The following ANAPC10 variants were observed in gnomAD, a reference collection of about 807,000 sequenced individuals.
ANAPC10 encodes the protein anaphase promoting complex subunit 10, also known as anaphase-promoting complex subunit 10.
In ANAPC10, 12 loss-of-function variants were observed where a neutral mutation model predicts 22.0. That is an observed-to-expected ratio of 0.55 (90% confidence interval 0.35 to 0.88). The LOEUF is 0.88. Among genes scored for constraint, ANAPC10 ranks in the 40% least tolerant of loss-of-function variants. The pLI is 0.01. For synonymous variants in ANAPC10, 65 were observed against 69.5 expected, an observed-to-expected ratio of 0.94 and a Z score of 0.32; for missense variants, 188 against 220.9, an observed-to-expected ratio of 0.85 and a Z score of 0.94.
At chr4:145,058,675 A>G (rs1266974780) in intron 4 of ANAPC10, among the ~76,000 whole-genome samples, 1 of 152,176 alleles carries the variant, frequency 6.6e-6, no homozygotes, top group Non-Finnish European at 1.5e-5. Context: ...GTGGTCAAAC[A>G]AAAACAAGAT....
chr4:145,037,047 T>TGC lies in ANAPC10; in HGVS notation c.327+27523_327+27524dup, dbSNP rs1553969422. Among the ~76,000 whole-genome samples, 416 of 148,502 alleles carry TGC rather than the reference T, an allele frequency of 2.8e-3. 1 individual carries two copies. Among genetic ancestry groups the TGC allele is most frequent in the African/African-American group, 9.9e-3 (394 of 39,900 alleles). ...GTGTGTGTGTGTGTGTGTATGTGTG[T>TGC]GCATGCATGAATGTGTGTTTTATGG... On this transcript the variant is annotated intron_variant, in intron 4 of 4. Coordinates refer to ENST00000507656, the MANE Select transcript of ANAPC10 (RefSeq NM_001256706.2).
intron 4 of ANAPC10, among the ~76,000 whole-genome samples, chr4:145,038,605 AT>A (rs1738986403): frequency 6.6e-6 from 1 of 152,116 alleles, no homozygotes; most frequent in Non-Finnish European, 1.5e-5. Context: ...CAGGAGGATC[AT>A]TTGAGGTCAG....
chr4:145,083,228 A>C (rs1167242542), intron 2 of ANAPC10, among the ~76,000 whole-genome samples: 1 of 152,198 alleles, frequency 6.6e-6, no homozygotes, highest in Non-Finnish European at 1.5e-5. Context: ...TATATATGTT[A>C]AATAATCTAA....
intron 2 of ANAPC10, among the ~76,000 whole-genome samples, chr4:145,092,928 G>A (rs1406377536): frequency 6.6e-6 from 1 of 152,170 alleles, no homozygotes; most frequent in African/African-American, 2.4e-5. Context: ...CTCAGAGTGA[G>A]GCAGAAAACT....
intron 4 of ANAPC10, among the ~76,000 whole-genome samples, chr4:145,054,668 ATGTG>A (rs1170130524): frequency 3.7e-4 from 51 of 139,540 alleles, no homozygotes; most frequent in African/African-American, 1.1e-3. Flanking sequence ...CGTGCAGCGC[ATGTG>A]TGTGTGTGTG....
At chr4:145,006,616 T>C (rs1307642461) in intron 4 of ANAPC10, among the ~76,000 whole-genome samples, 1 of 152,164 alleles carries the variant, frequency 6.6e-6, no homozygotes, top group African/African-American at 2.4e-5. Context: ...GTCATTTTTG[T>C]AGGTCAAAAA....
chr4:145,006,178 T>C (rs1468835438), intron 4 of ANAPC10, among the ~76,000 whole-genome samples: 2 of 151,556 alleles, frequency 1.3e-5, no homozygotes, highest in African/African-American at 2.4e-5. Flanking sequence ...AGTCCTCTTC[T>C]TGAATTGAGC....
At chr4:145,013,277 CAAATGAAA>C (rs2126936592) in intron 4 of ANAPC10, among the ~76,000 whole-genome samples, 1 of 151,568 alleles carries the variant, frequency 6.6e-6, no homozygotes, top group Admixed American at 6.6e-5. Context: ...CTCATGAGCA[CAAATGAAA>C]AAAACCTAGA....
At chr4:145,057,023 A>G (rs572539241) in intron 4 of ANAPC10, among the ~76,000 whole-genome samples, 1 of 152,272 alleles carries the variant, frequency 6.6e-6, no homozygotes, top group East Asian at 1.9e-4. Context: ...GAAAAAAGTG[A>G]CCTTACAGGA....
chr4:145,013,783 G>A (rs937826360), intron 4 of ANAPC10, among the ~76,000 whole-genome samples: 2 of 152,126 alleles, frequency 1.3e-5, no homozygotes, highest in Admixed American at 1.3e-4. Flanking sequence ...AAGCAGAAAA[G>A]GAAGATCCTC....
intron 3 of ANAPC10, among the ~76,000 whole-genome samples, chr4:145,070,023 C>T (rs1023192299): frequency 1.3e-5 from 2 of 151,706 alleles, no homozygotes; most frequent in Non-Finnish European, 2.9e-5. Context: ...ATTTAAAGTC[C>T]CTAATCTATA....
intron 2 of ANAPC10, among the ~76,000 whole-genome samples, chr4:145,088,791 C>G (rs1747257237): frequency 2.6e-5 from 4 of 152,150 alleles, no homozygotes; most frequent in Admixed American, 2.6e-4. Flanking sequence ...CAGTGGTTTC[C>G]CTTTGTACTT....
At chr4:145,015,369 A>C (rs1734951495) in intron 4 of ANAPC10, among the ~76,000 whole-genome samples, 1 of 152,096 alleles carries the variant, frequency 6.6e-6, no homozygotes, top group African/African-American at 2.4e-5. Flanking sequence ...TCTTTGAATT[A>C]ACCCAACCAA....
At chr4:145,032,868 C>G (rs1487005623) in intron 4 of ANAPC10, among the ~76,000 whole-genome samples, 4 of 152,256 alleles carry the variant, frequency 2.6e-5, no homozygotes, top group African/African-American at 7.2e-5. Flanking sequence ...GGAATAGACA[C>G]TTACCAGATA....
chr4:145,074,069 A>G (rs1384576312), intron 3 of ANAPC10, among the ~76,000 whole-genome samples: 1 of 151,846 alleles, frequency 6.6e-6, no homozygotes, highest in Non-Finnish European at 1.5e-5. Context: ...TTAAAAAATT[A>G]TTAACGAATT....
intron 4 of ANAPC10, among the ~76,000 whole-genome samples, chr4:145,062,222 A>G: frequency 6.6e-6 from 1 of 152,196 alleles, no homozygotes; most frequent in Non-Finnish European, 1.5e-5. Flanking sequence ...CCTGTCAGAC[A>G]AAAGAAGAAA....
At chr4:145,071,114 T>G (rs1305865451) in intron 3 of ANAPC10, among the ~76,000 whole-genome samples, 4 of 152,186 alleles carry the variant, frequency 2.6e-5, no homozygotes, top group African/African-American at 9.7e-5. Context: ...ACTGTACATT[T>G]AAAAATGGCT....
chr4:145,017,891 TCTCA>T (rs1735419411), intron 4 of ANAPC10, among the ~76,000 whole-genome samples: 1 of 145,378 alleles, frequency 6.9e-6, no homozygotes, highest in Admixed American at 7.3e-5. Flanking sequence ...CACCGTGTGT[TCTCA>T]CTGATAGCTG....
intron 4 of ANAPC10, among the ~76,000 whole-genome samples, chr4:145,009,564 A>C (rs1165490849): frequency 6.6e-6 from 1 of 152,180 alleles, no homozygotes; most frequent in African/African-American, 2.4e-5. Flanking sequence ...AAAAACAAGA[A>C]ATGGGGAAAG....
Sources: gnomAD v4.1 joint callset for allele counts (sites outside exome capture counted in the v4.1 genomes callset) on GRCh38, gnomAD v4.1.1 for gene constraint, MANE v1.5 for transcripts, NCBI Gene and HGNC (gene_info 2026-07-23, HGNC 2026-07-21) for gene names.